The following ABHD12 variants were observed in gnomAD, a reference collection of about 807,000 sequenced individuals.
ABHD12 encodes the protein lysophosphatidylserine lipase ABHD12.
In ABHD12, 43 loss-of-function variants were observed where a neutral mutation model predicts 58.3. The ratio of observed to expected loss-of-function variants is 0.74; its 90% CI spans 0.58 to 0.95. ABHD12 has a LOEUF of 0.95. Among genes scored for constraint, ABHD12 ranks in the 40% least tolerant of loss-of-function variants. The probability of loss-of-function intolerance (pLI) is 0.00; values close to 1 mark genes in which losing one functional copy is unlikely to be tolerated. For missense variants in ABHD12, 539 were observed against 537.2 expected (o/e 1.00, Z -0.03); for synonymous variants, 219 against 211.2 (o/e 1.04, Z -0.32).
chr20:25,314,110 C>G (rs1600781870), intron 6 of ABHD12, among the ~76,000 whole-genome samples: 1 of 151,976 alleles, frequency 6.6e-6, no homozygotes, highest in African/African-American at 2.4e-5. Context: ...ATAGCTGGGA[C>G]TACAGGTGCG....
Position 25,314,915 on chromosome 20 carries a change from G to T in ABHD12, c.619+10C>A. 6.2e-7 allele frequency: 1 copy of T among 1,614,152 alleles called. No individual in the cohort carries two copies. The highest frequency in any genetic ancestry group is 8.5e-7 in the Non-Finnish European group (1 of 1,179,998). On this transcript the variant is annotated intron_variant, in intron 6 of 12. Coordinates refer to ENST00000339157, the MANE Select transcript of ABHD12 (RefSeq NM_001042472.3). Reference sequence around the variant, plus strand: ...ATTGTGCTCAGATGCTCTTGCAAAAGAAATCTCACCTCTGTAGTCAAAGGT... The same window carrying T: ...ATTGTGCTCAGATGCTCTTGCAAAATAAATCTCACCTCTGTAGTCAAAGGT...
intron 1 of ABHD12, among the ~76,000 whole-genome samples, chr20:25,341,286 G>A (rs746178804): frequency 2.0e-5 from 3 of 152,236 alleles, no homozygotes; most frequent in Admixed American, 6.5e-5. Context: ...TTACTGCCCA[G>A]GGTGATCTGA....
At chr20:25,339,392 T>G (rs776271875) in intron 1 of ABHD12, 41 bp from the exon 2 acceptor site, 1 of 1,613,734 alleles carries the variant, frequency 6.2e-7, no homozygotes, top group South Asian at 1.1e-5. Context: ...AGGCAGTAGG[T>G]GCCATTTTGC....
intron 1 of ABHD12, among the ~76,000 whole-genome samples, chr20:25,349,423 T>C (rs1159479279): frequency 1.3e-5 from 2 of 152,162 alleles, no homozygotes; most frequent in African/African-American, 2.4e-5. Flanking sequence ...AGGACTGAAA[T>C]AGATACTTGT....
At position 25,300,395 on chromosome 20, in the gene ABHD12, G is replaced by C; in HGVS notation, c.*450C>G. On this transcript the variant is annotated 3_prime_UTR_variant, in exon 13 of 13. Transcript: ENST00000339157. ...GGTACACAGGGCAGGAGGGGACGAT[G>C]GAACCACTGGAGTCATTCTGCATGT... 8.9e-7 allele frequency: 1 copy of C among 1,125,632 alleles called. No homozygotes were observed. Among genetic ancestry groups the C allele is most frequent in the Non-Finnish European group, 1.1e-6 (1 of 909,752 alleles). 69.7% of individuals were successfully genotyped at this position (1,125,632 alleles called of 1,614,324 possible).
intron 2 of ABHD12, among the ~76,000 whole-genome samples, chr20:25,327,916 T>A (rs1199465820): frequency 6.6e-6 from 1 of 152,176 alleles, no homozygotes; most frequent in African/African-American, 2.4e-5. Flanking sequence ...TCTGATCTTG[T>A]GGCCCCCACC....
chr20:25,300,750 G>A lies in ABHD12; in HGVS notation c.*95C>T. ...CGAGCTGGGCTCCTGAGCATTGCAG[G>A]TGCCGGCCCCCCGGGGCTTCAGGAT... is the stretch of plus-strand genomic sequence containing the variant. On this transcript the variant is annotated 3_prime_UTR_variant, in exon 13 of 13. Coordinates refer to ENST00000339157, the MANE Select transcript of ABHD12 (RefSeq NM_001042472.3). 5.0e-6 allele frequency: 8 copies of A among 1,603,050 alleles called. No individual in the cohort carries two copies. Among genetic ancestry groups the A allele is most frequent in the Non-Finnish European group, 6.8e-6 (8 of 1,176,006 alleles).
chr20:25,318,844 C>G (rs2089012647), intron 4 of ABHD12, among the ~76,000 whole-genome samples: 1 of 152,182 alleles, frequency 6.6e-6, no homozygotes, highest in Non-Finnish European at 1.5e-5. Flanking sequence ...GGAAACTGTG[C>G]AGCACATGCA....
At chr20:25,303,278 G>A in intron 11 of ABHD12, 2 of 1,300,210 alleles carry the variant, frequency 1.5e-6, no homozygotes, top group Admixed American at 3.0e-5. Flanking sequence ...TGTGAGGACT[G>A]GGAACTATCT....
chr20:25,330,849 C>G (rs1239160028), intron 2 of ABHD12, among the ~76,000 whole-genome samples: 1 of 151,860 alleles, frequency 6.6e-6, no homozygotes, highest in East Asian at 1.9e-4. Context: ...GTAGATAAAA[C>G]CACAAAGATG....
intron 2 of ABHD12, among the ~76,000 whole-genome samples, chr20:25,334,568 C>T (rs2089331197): frequency 1.3e-5 from 2 of 152,132 alleles, no homozygotes; most frequent in Non-Finnish European, 2.9e-5. Context: ...TACAAGGCTA[C>T]AGTAACCAAA....
At chr20:25,296,442 A>G (rs754026365), downstream of ABHD12, 9 of 1,613,918 alleles carry the variant, frequency 5.6e-6, no homozygotes, top group Non-Finnish European at 7.6e-6. Context: ...TGACCGGACC[A>G]TCACGGAGTA....
chr20:25,313,344 C>T (rs1336679297), intron 6 of ABHD12, among the ~76,000 whole-genome samples: 3 of 152,172 alleles, frequency 2.0e-5, no homozygotes, highest in Non-Finnish European at 2.9e-5. Context: ...GGATTAAGGG[C>T]GGTGCAAGAT....
At chr20:25,303,504 A>T (rs751814033) in intron 11 of ABHD12, 46 bp downstream of exon 11, 1 of 1,607,384 alleles carries the variant, frequency 6.2e-7, no homozygotes, top group Non-Finnish European at 8.5e-7. Flanking sequence ...ACACTGGCTG[A>T]GTGTGCAAGA....
At chr20:25,331,381 G>A (rs964221460) in intron 2 of ABHD12, among the ~76,000 whole-genome samples, 1 of 152,192 alleles carries the variant, frequency 6.6e-6, no homozygotes, top group Non-Finnish European at 1.5e-5. Flanking sequence ...AAAACACTCT[G>A]CAGGATATTA....
intron 3 of ABHD12, among the ~76,000 whole-genome samples, 182 bp from the exon 4 acceptor site, chr20:25,320,500 T>C (rs1009532207): frequency 2.0e-5 from 3 of 152,178 alleles, no homozygotes; most frequent in Non-Finnish European, 4.4e-5. Flanking sequence ...CTAGAATCAA[T>C]AACCACGGAA....
In ABHD12 at chr20:25,324,614, C is replaced by A. The variant is rs2500434; in HGVS notation, c.317-1184G>T. Among the ~76,000 whole-genome samples the A allele has an allele frequency of 6.7e-3, 1,024 of 152,190 alleles. 7 individuals carry two copies. The highest frequency in any genetic ancestry group is 0.027 in the Middle Eastern group (8 of 294). ...CTGTCTCTGGTGAAGACAGGGGTTGCGTGACTCCCATGTCCATGTGGCACA... is the reference window on the plus strand; with the variant it reads ...CTGTCTCTGGTGAAGACAGGGGTTGAGTGACTCCCATGTCCATGTGGCACA... On this transcript the variant is annotated intron_variant, in intron 2 of 12. Transcript: ENST00000339157.
At chr20:25,298,401 C>T (rs144532277), downstream of ABHD12, among the ~76,000 whole-genome samples, 2,043 of 152,034 alleles carry the variant, frequency 0.013, 23 homozygotes, top group Middle Eastern at 0.031. Context: ...GAGTAGCTGG[C>T]ATTACAGGCG....
intron 1 of ABHD12, among the ~76,000 whole-genome samples, chr20:25,374,998 TAG>T (rs745869635): frequency 3.3e-5 from 5 of 152,220 alleles, no homozygotes; most frequent in Non-Finnish European, 4.4e-5. Context: ...TGACTGTATT[TAG>T]AGAGAGGGTC....
Sources: gnomAD v4.1 joint callset for allele counts (sites outside exome capture counted in the v4.1 genomes callset) on GRCh38, gnomAD v4.1.1 for gene constraint, MANE v1.5 for transcripts, NCBI Gene and HGNC (gene_info 2026-07-23, HGNC 2026-07-21) for gene names.